The following RUFY1 variants were observed in gnomAD, a reference collection of about 807,000 sequenced individuals.
RUFY1 encodes the protein RUN and FYVE domain containing 1, also known as RUN and FYVE domain-containing protein 1.
Under a neutral mutation model 94.6 loss-of-function variants are expected in RUFY1, and 54 were observed. That is an observed-to-expected ratio of 0.57 (90% CI 0.46 to 0.72). The LOEUF (loss-of-function observed/expected upper bound fraction) is 0.72. RUFY1 is among the 30% of genes least tolerant of loss of function. The pLI is 0.00. For missense variants in RUFY1, 883 were observed against 883.9 expected (o/e 1.00, Z 0.01); for synonymous variants, 396 against 347.3 (o/e 1.14, Z -1.56).
intron 4 of RUFY1, among the ~76,000 whole-genome samples, chr5:179,568,315 A>AT (rs1324857938): frequency 2.0e-5 from 3 of 152,246 alleles, no homozygotes; most frequent in Non-Finnish European, 4.4e-5. Flanking sequence ...TTTTATATTT[A>AT]TAAGTAAGCA....
At chr5:179,577,544 C>G (rs1401767123) in intron 6 of RUFY1, among the ~76,000 whole-genome samples, 2 of 146,146 alleles carry the variant, frequency 1.4e-5, no homozygotes, top group African/African-American at 2.5e-5. Context: ...CGGAAATTGC[C>G]GAAGACTAGC....
rs780040547 is a variant in RUFY1 at position 179,550,638 on chromosome 5, G to GCCGGGGC, written c.75_81dup (p.Ser28AlafsTer6). On this transcript the variant is annotated frameshift_variant, in exon 1 of 18. Coordinates refer to ENST00000319449, the MANE Select transcript of RUFY1 (RefSeq NM_025158.5). LOFTEE classifies it high-confidence loss of function. ...AGCTGGAGCCGGAGCTGGAGCCGGG[G>GCCGGGGC]CCGGGGCCCGGGTCAGCGCTTGAGC... is the stretch of plus-strand genomic sequence containing the variant. 3 of 1,413,482 alleles carry GCCGGGGC rather than the reference G, an allele frequency of 2.1e-6. No homozygotes were observed. Among genetic ancestry groups the GCCGGGGC allele is most frequent in the African/African-American group, 1.8e-5 (1 of 54,434 alleles). The allele number at this position is 1,413,482 out of a possible 1,614,324, so 87.6% of individuals were successfully genotyped here.
intron 5 of RUFY1, among the ~76,000 whole-genome samples, chr5:179,571,714 A>G (rs1763238466): frequency 6.6e-6 from 1 of 152,190 alleles, no homozygotes; most frequent in Non-Finnish European, 1.5e-5. Context: ...CTGACACTGG[A>G]TGTGATGAGC....
At chr5:179,598,036 A>T (rs2127563964) in intron 13 of RUFY1, among the ~76,000 whole-genome samples, 1 of 152,248 alleles carries the variant, frequency 6.6e-6, no homozygotes, top group South Asian at 2.1e-4. Context: ...TAAAAATACA[A>T]AAAATTAGCT....
At chr5:179,551,041 C>G (rs868465545) in intron 1 of RUFY1, among the ~76,000 whole-genome samples, 162 bp downstream of exon 1, 1 of 151,838 alleles carries the variant, frequency 6.6e-6, no homozygotes, top group Non-Finnish European at 1.5e-5. Flanking sequence ...GTCTTTACTC[C>G]GGCGGCCCAG....
chr5:179,574,786 G>C (rs1382459736), intron 5 of RUFY1, among the ~76,000 whole-genome samples: 1 of 152,156 alleles, frequency 6.6e-6, no homozygotes, highest in Non-Finnish European at 1.5e-5. Context: ...CTACTTGGTT[G>C]AACTTTGACA....
chr5:179,605,962 T>A, intron 16 of RUFY1, 38 bp downstream of exon 16: 1 of 1,375,118 alleles, frequency 7.3e-7, no homozygotes, highest in South Asian at 1.2e-5. Context: ...TGCTGTCAGC[T>A]TGTGCTGACT....
Position 179,550,698 on chromosome 5 carries a change from G to T in RUFY1, c.129G>T (p.Gln43His). The change falls in exon 1 of 18, where the codon CAG becomes CAT. Residue 43 changes from glutamine to histidine, a missense_variant. Physicochemically the swap from Gln to His is conservative, Grantham distance 24. Coordinates refer to ENST00000319449, the MANE Select transcript of RUFY1 (RefSeq NM_025158.5). ...GEEFEIVDRS[Q>H]LPGPGDLRSA... is the part of the protein sequence containing the mutation. ...AGTTTGAGATCGTGGACCGAAGCCA[G>T]CTGCCCGGCCCAGGCGACCTGCGGA... is the stretch of plus-strand genomic sequence containing the variant. 6.7e-7 allele frequency: 1 copy of T among 1,495,452 alleles called. No individual in the cohort carries two copies. Among genetic ancestry groups the T allele is most frequent in the Non-Finnish European group, 8.9e-7 (1 of 1,128,272 alleles). 92.6% of individuals were successfully genotyped at this position (1,495,452 alleles called of 1,614,324 possible). A position where few individuals can be genotyped will look rare whatever the true frequency, so the allele number is the denominator to read the frequency against.
chr5:179,596,553 C>G lies in RUFY1; in HGVS notation c.1512-9C>G. 6.2e-7 allele frequency: 1 copy of G among 1,613,694 alleles called. No homozygotes were observed. The highest frequency in any genetic ancestry group is 8.5e-7 in the Non-Finnish European group (1 of 1,179,966). ...GCTTCATTTGCACTCTTGCTGGTGTCGCATCCAGGTTGCAGCACTCGGAGC... is the reference window on the plus strand; with the variant it reads ...GCTTCATTTGCACTCTTGCTGGTGTGGCATCCAGGTTGCAGCACTCGGAGC... On this transcript the variant is annotated splice_polypyrimidine_tract_variant and intron_variant, in intron 12 of 17. Transcript: ENST00000319449.
chr5:179,577,203 G>A, intron 6 of RUFY1, 67 bp downstream of exon 6: 1 of 955,432 alleles, frequency 1.0e-6, no homozygotes, highest in Non-Finnish European at 1.5e-6. Context: ...ACAGAATCTG[G>A]CTTTGTCGCC....
intron 15 of RUFY1, chr5:179,602,663 G>C (rs1317404900): frequency 1.3e-5 from 2 of 152,284 alleles, no homozygotes; most frequent in African/African-American, 4.8e-5. Context: ...GCGCATGGTT[G>C]CAAGTAACAG....
intron 1 of RUFY1, chr5:179,555,630 T>A: frequency 2.8e-6 from 1 of 363,432 alleles, no homozygotes; most frequent in South Asian, 2.1e-5. Context: ...ACTTTTTTTT[T>A]TTTTTTTTTT....
intron 17 of RUFY1, chr5:179,608,480 G>A (rs1767343883): frequency 3.0e-6 from 3 of 985,552 alleles, no homozygotes; most frequent in Non-Finnish European, 3.6e-6. Flanking sequence ...TCATCTTGAT[G>A]TCTTATCAGG....
chr5:179,567,691 G>A lies in RUFY1; in HGVS notation c.704+129G>A, dbSNP rs188044058. ...AGATCAGGTGGATTGCTTGAGGTCC[G>A]GAGTTCAAGACCAGCCTGGCCAACA... On this transcript the variant is annotated intron_variant, in intron 4 of 17. Coordinates refer to ENST00000319449, the MANE Select transcript of RUFY1 (RefSeq NM_025158.5). 692 of 617,138 alleles carry A rather than the reference G, an allele frequency of 1.1e-3. 10 individuals carry two copies. Among genetic ancestry groups the A allele is most frequent in the African/African-American group, 9.9e-3 (527 of 53,232 alleles). The allele number at this position is 617,138 out of a possible 1,614,324, so 38.2% of individuals were successfully genotyped here.
chr5:179,598,451 C>G (rs1765914914), intron 13 of RUFY1: 2 of 552,908 alleles, frequency 3.6e-6, no homozygotes, highest in African/African-American at 1.9e-5. Context: ...TGTTCTAGAG[C>G]TCTCTTCCTT....
rs574626412 is a variant in RUFY1 at position 179,565,724 on chromosome 5, C to T, written c.603-1737C>T. Among the ~76,000 whole-genome samples the T allele has an allele frequency of 4.6e-5, 7 of 152,228 alleles. No homozygotes were observed. In the South Asian group the frequency reaches 6.2e-4, roughly 14 times the overall value. On this transcript the variant is annotated intron_variant, in intron 3 of 17. Coordinates refer to ENST00000319449, the MANE Select transcript of RUFY1 (RefSeq NM_025158.5). ...TCTTCAAATTCTTGTTACCACAAAC[C>T]GTGATAATGATGAGGTGACCATCCC...
At chr5:179,564,946 G>A (rs973392999) in intron 3 of RUFY1, among the ~76,000 whole-genome samples, 1 of 152,076 alleles carries the variant, frequency 6.6e-6, no homozygotes, top group African/African-American at 2.4e-5. Context: ...CAGATACTCA[G>A]CGAAATAATC....
chr5:179,574,395 A>C (rs1415353418), intron 5 of RUFY1, among the ~76,000 whole-genome samples: 1 of 151,820 alleles, frequency 6.6e-6, no homozygotes, highest in African/African-American at 2.4e-5. Context: ...ACTCCGTCTC[A>C]AAAAAAATAA....
chr5:179,608,214 A>C, intron 17 of RUFY1: 1 of 826,704 alleles, frequency 1.2e-6, no homozygotes, highest in Non-Finnish European at 1.5e-6. Context: ...CAAAACTGGG[A>C]GCTAAAGGAA....
Sources: gnomAD v4.1 joint callset for allele counts (sites outside exome capture counted in the v4.1 genomes callset) on GRCh38, gnomAD v4.1.1 for gene constraint, MANE v1.5 for transcripts, NCBI Gene and HGNC (gene_info 2026-07-23, HGNC 2026-07-21) for gene names.